The following MRPL2 variants were observed in gnomAD, a reference collection of about 807,000 sequenced individuals.
MRPL2 encodes the protein mitochondrial ribosomal protein L2.
A neutral mutation model predicts 34.6 loss-of-function variants in MRPL2; 27 were observed. That is an observed-to-expected ratio of 0.78 (90% CI 0.58 to 1.08). The LOEUF is 1.08. Ranked by LOEUF, MRPL2 falls within the 50% of genes least tolerant of loss-of-function variation. MRPL2 has a pLI of 0.00. For missense variants in MRPL2, 414 were observed against 419.3 expected (o/e 0.99, Z 0.11); for synonymous variants, 155 against 158.0 (o/e 0.98, Z 0.14).
rs1387615270 is a variant in MRPL2, at chr6:43,059,389, A to G, written c.-8T>C. The G allele has an allele frequency of 6.5e-7, 1 of 1,541,516 alleles. No individual in the cohort carries two copies. The highest frequency in any genetic ancestry group is 1.2e-5 in the South Asian group (1 of 83,526). ...CAGTGCGCACAGGGCCATCAGCACGACACCCTTACTTTTAGCCAAGCTGCT... is the reference window on the plus strand; with the variant it reads ...CAGTGCGCACAGGGCCATCAGCACGGCACCCTTACTTTTAGCCAAGCTGCT... On this transcript the variant is annotated 5_prime_UTR_variant, in exon 1 of 7. Coordinates refer to ENST00000388752, the MANE Select transcript of MRPL2 (RefSeq NM_015950.5).
chr6:43,059,676 C>G, upstream of MRPL2: 3 of 1,342,026 alleles, frequency 2.2e-6, no homozygotes, highest in Non-Finnish European at 9.5e-7. Flanking sequence ...GCCACACCGG[C>G]AGATTGCAGG....
chr6:43,054,121 A>G lies in MRPL2; in HGVS notation c.*153T>C, dbSNP rs1764713884. The G allele has an allele frequency of 4.4e-6, 3 of 676,880 alleles. No homozygotes were observed. Among genetic ancestry groups the G allele is most frequent in the Non-Finnish European group, 7.4e-6 (3 of 407,130 alleles). The allele number at this position is 676,880 out of a possible 1,614,324, so 41.9% of individuals were successfully genotyped here. On this transcript the variant is annotated 3_prime_UTR_variant, in exon 7 of 7. Transcript: ENST00000388752. ...CCCAGTGTCCTGTACTTTCTCTTCC[A>G]CACTTTTTACTTCTTTTCCCCACGT...
At chr6:43,057,953 T>C (rs1472161397) in intron 2 of MRPL2, 112 bp downstream of exon 2, 5 of 1,290,502 alleles carry the variant, frequency 3.9e-6, no homozygotes, top group Non-Finnish European at 4.3e-6. Context: ...AAATAAGTGC[T>C]TTTTAATTAC....
chr6:43,056,037 A>G, intron 4 of MRPL2, 30 bp from the exon 5 acceptor site: 1 of 1,614,020 alleles, frequency 6.2e-7, no homozygotes, highest in African/African-American at 1.3e-5. Context: ...TAGCTCTAGA[A>G]CTTTTGCTGC....
At position 43,055,945 on chromosome 6, in the gene MRPL2, T is replaced by C. The variant is rs1764864660; in HGVS notation, c.583A>G (p.Asn195Asp). The C allele has an allele frequency of 1.2e-6, 2 of 1,614,098 alleles. No individual in the cohort carries two copies. Among genetic ancestry groups the C allele is most frequent in the Non-Finnish European group, 1.7e-6 (2 of 1,179,974 alleles). ...GALPVGTLINNVESEPGRGAQ... is the reference protein window; with the variant it reads ...GALPVGTLINDVESEPGRGAQ... Reference sequence around the variant, plus strand: ...CCCCGGCCTGGCTCACTTTCCACGTTGTTGATGAGGGTCCCCACAGGCAGA... The same window carrying C: ...CCCCGGCCTGGCTCACTTTCCACGTCGTTGATGAGGGTCCCCACAGGCAGA... The change falls in exon 5 of 7, where the codon AAC becomes GAC. Residue 195 changes from asparagine to aspartate, a missense_variant. Coordinates refer to ENST00000388752, the MANE Select transcript of MRPL2 (RefSeq NM_015950.5).
rs572355498 is a variant in MRPL2 at position 43,055,372 on chromosome 6, T to A, written c.705+173A>T. On this transcript the variant is annotated intron_variant, in intron 6 of 6. Transcript: ENST00000388752. ...AGACTCTGTCTCGAAAAAAAAAAAA[T>A]TAATTATGGTGCCAATCCGACAAAG... is the stretch of plus-strand genomic sequence containing the variant. 4.6e-5 allele frequency among the ~76,000 whole-genome samples: 7 copies of A among 151,266 alleles called. No homozygotes were observed. The East Asian group carries it at 1.4e-3, about 29-fold the overall frequency.
chr6:43,055,975 C>T lies in MRPL2; in HGVS notation c.553G>A (p.Gly185Arg). 6.2e-7 allele frequency: 1 copy of T among 1,614,126 alleles called. No homozygotes were observed. The highest frequency in any genetic ancestry group is 8.5e-7 in the Non-Finnish European group (1 of 1,180,014). Residue 185 changes from glycine (G) to arginine (R), a missense_variant, in exon 5 of 7, where the codon GGG (glycine) becomes AGG (arginine). Transcript: ENST00000388752. ...ATGAGGGTCCCCACAGGCAGAGCCC[C>T]AAGAGGATGCGCATCCCCTTCCCGA... ...AAREGDAHPLGALPVGTLINN... is the reference protein window; with the variant it reads ...AAREGDAHPLRALPVGTLINN...
intron 6 of MRPL2, 45 bp from the exon 7 acceptor site, chr6:43,054,531 G>C (rs372535207): frequency 2.6e-6 from 4 of 1,562,464 alleles, no homozygotes; most frequent in Non-Finnish European, 2.6e-6. Flanking sequence ...GGGGGGGAAA[G>C]AGCTTGACAA....
chr6:43,054,182 ACAACAAC>A lies in MRPL2; in HGVS notation c.*85_*91del. On this transcript the variant is annotated 3_prime_UTR_variant, in exon 7 of 7. Coordinates refer to ENST00000388752, the MANE Select transcript of MRPL2 (RefSeq NM_015950.5). Reference sequence around the variant, plus strand: ...CCATCCCCTCCCCCGCAAAAAAAAAACAACAACAAAAAAAACAAAAAACACCCAAAAC... The same window carrying A: ...CCATCCCCTCCCCCGCAAAAAAAAAAAAAAAAAACAAAAAACACCCAAAAC... 1.0e-6 allele frequency: 1 copy of A among 1,004,484 alleles called. No individual in the cohort carries two copies. The highest frequency in any genetic ancestry group is 1.5e-6 in the Non-Finnish European group (1 of 684,306). The allele number at this position is 1,004,484 out of a possible 1,614,324, so 62.2% of individuals were successfully genotyped here. A position where few individuals can be genotyped will look rare whatever the true frequency, so the allele number is the denominator to read the frequency against.
At position 43,058,117 on chromosome 6, in the gene MRPL2, C is replaced by T. The variant is rs1764939985; in HGVS notation, c.213G>A (p.Lys71=). ...ANFVSWKSRT[K]YTITPVKMRK... ...TCATCTTCACTGGTGTAATGGTGTA[C>T]TTGGTACGACTCTTCCAGGACACAA... Residue 71 remains lysine (K), a synonymous_variant, in exon 2 of 7, where the codon AAG becomes AAA. Coordinates refer to ENST00000388752, the MANE Select transcript of MRPL2 (RefSeq NM_015950.5). 3.1e-6 allele frequency: 5 copies of T among 1,614,126 alleles called. No individual in the cohort carries two copies. Among genetic ancestry groups the T allele is most frequent in the African/African-American group, 1.3e-5 (1 of 75,014 alleles).
At chr6:43,055,655 C>G (rs1455742065) in intron 5 of MRPL2, 37 bp from the exon 6 acceptor site, 1 of 1,610,842 alleles carries the variant, frequency 6.2e-7, no homozygotes, top group Non-Finnish European at 8.5e-7. Context: ...CTCCACAAAA[C>G]AGGGGGGTGC....
intron 5 of MRPL2, 136 bp downstream of exon 5, chr6:43,055,761 A>T: frequency 1.6e-6 from 2 of 1,261,400 alleles, no homozygotes; most frequent in South Asian, 2.8e-5. Context: ...TGTTTTAGGT[A>T]AAAACACATG....
At chr6:43,058,974 A>C in intron 1 of MRPL2, 1 of 673,260 alleles carries the variant, frequency 1.5e-6, no homozygotes, top group African/African-American at 1.8e-5. Context: ...AGAGTATTTG[A>C]AAGGAGTTCA....
chr6:43,059,186 G>A, intron 1 of MRPL2, 100 bp downstream of exon 1: 1 of 1,550,658 alleles, frequency 6.4e-7, no homozygotes, highest in Non-Finnish European at 8.7e-7. Flanking sequence ...GGACCTGCAT[G>A]ACTCCTGACC....
Position 43,054,238 on chromosome 6 carries a change from CGGGG to C in MRPL2, c.*32_*35del. The C allele has an allele frequency of 9.2e-6, 9 of 982,220 alleles. No homozygotes were observed. Among genetic ancestry groups the C allele is most frequent in the Non-Finnish European group, 1.3e-5 (9 of 704,330 alleles). 60.8% of individuals were successfully genotyped at this position (982,220 alleles called of 1,614,324 possible). On this transcript the variant is annotated 3_prime_UTR_variant, in exon 7 of 7. Coordinates refer to ENST00000388752, the MANE Select transcript of MRPL2 (RefSeq NM_015950.5). ...ACAAAACCACAGTAACAGATTAAAA[CGGGG>C]GGGGGGGGCATTTTATTAGAGTACA... is the stretch of plus-strand genomic sequence containing the variant.
In MRPL2 at chr6:43,059,350, C is replaced by T. The variant is rs1244865532; in HGVS notation, c.32G>A (p.Arg11His). The T allele has an allele frequency of 1.3e-6, 2 of 1,552,398 alleles. No homozygotes were observed. Among genetic ancestry groups the T allele is most frequent in the Non-Finnish European group, 1.7e-6 (2 of 1,147,664 alleles). The stretch of plus-strand genomic sequence containing the variant: ...GGTCGGGGGCGCCAGGTTCAGAGAG[C>T]GCAGAGCGCGGGTCAGTGCGCACAG... MALCALTRAL[R>H]SLNLAPPTVA... Residue 11 changes from arginine (R) to histidine (H), a missense_variant, in exon 1 of 7, where the codon CGC becomes CAC. Physicochemically the swap from Arg to His is conservative, Grantham distance 29 (BLOSUM62 0). Coordinates refer to ENST00000388752, the MANE Select transcript of MRPL2 (RefSeq NM_015950.5).
rs1169070559 is a variant in MRPL2 at position 43,054,114 on chromosome 6, C to T, written c.*160G>A. On this transcript the variant is annotated 3_prime_UTR_variant, in exon 7 of 7. Transcript: ENST00000388752. ...GGACAGACCCAGTGTCCTGTACTTTCTCTTCCACACTTTTTACTTCTTTTC... is the reference window on the plus strand; with the variant it reads ...GGACAGACCCAGTGTCCTGTACTTTTTCTTCCACACTTTTTACTTCTTTTC... 1.5e-6 allele frequency: 1 copy of T among 659,558 alleles called. No homozygotes were observed. The highest frequency in any genetic ancestry group is 2.5e-6 in the Non-Finnish European group (1 of 392,612). The allele number at this position is 659,558 out of a possible 1,614,324, so 40.9% of individuals were successfully genotyped here. A position where few individuals can be genotyped will look rare whatever the true frequency, so the allele number is the denominator to read the frequency against.
Position 43,054,237 on chromosome 6 carries a change from A to AC in MRPL2, c.*36dup. The AC allele has an allele frequency of 2.4e-6, 3 of 1,225,040 alleles. No individual in the cohort carries two copies. Among genetic ancestry groups the AC allele is most frequent in the African/African-American group, 4.7e-5 (2 of 42,870 alleles). 75.9% of individuals were successfully genotyped at this position (1,225,040 alleles called of 1,614,324 possible). The stretch of plus-strand genomic sequence containing the variant: ...AACAAAACCACAGTAACAGATTAAA[A>AC]CGGGGGGGGGGGGCATTTTATTAGA... On this transcript the variant is annotated 3_prime_UTR_variant, in exon 7 of 7. Transcript: ENST00000388752.
chr6:43,057,692 T>C lies in MRPL2; in HGVS notation c.265+373A>G, dbSNP rs1231607723. On this transcript the variant is annotated intron_variant, in intron 2 of 6. Coordinates refer to ENST00000388752, the MANE Select transcript of MRPL2 (RefSeq NM_015950.5). ...TGAGGTTTTGCCATGTTGGCCAGCC[T>C]GGTCTTAAACTTGTGACGTCAGGTG... The C allele has an allele frequency of 1.1e-5, 3 of 267,732 alleles. No homozygotes were observed. In the East Asian group the frequency reaches 2.1e-4, roughly 19 times the overall value. 16.6% of individuals were successfully genotyped at this position (267,732 alleles called of 1,614,324 possible).
Sources: allele counts gnomAD v4.1 joint callset (sites outside exome capture counted in the v4.1 genomes callset), GRCh38; gene constraint gnomAD v4.1.1; transcripts MANE v1.5; gene names NCBI Gene and HGNC (gene_info 2026-07-23, HGNC 2026-07-21).